Variants in ANKS1B observed in about 807,000 individuals in gnomAD.
The protein encoded by ANKS1B is ankyrin repeat and sterile alpha motif domain-containing protein 1B.
ANKS1B carries 36 observed loss-of-function variants against 148.3 expected under a neutral mutation model. The ratio of observed to expected loss-of-function variants is 0.24; its 90% CI spans 0.19 to 0.32. The LOEUF (loss-of-function observed/expected upper bound fraction) is 0.32, where lower values mean the gene tolerates loss of function less well. ANKS1B is among the 10% of genes least tolerant of loss of function. ANKS1B has a pLI of 1.00. For synonymous variants in ANKS1B, 542 were observed against 560.8 expected, an observed-to-expected ratio of 0.97 and a Z score of 0.47; for missense variants, 1,157 against 1,542.6, an observed-to-expected ratio of 0.75 and a Z score of 4.19.
At position 99,016,049 on chromosome 12, in the gene ANKS1B, T is replaced by C. The variant is rs190050040; in HGVS notation, c.2778+37108A>G. Among the ~76,000 whole-genome samples the C allele has an allele frequency of 2.1e-3, 316 of 152,338 alleles. 1 individual carries two copies. The highest frequency in any genetic ancestry group is 3.1e-3 in the Non-Finnish European group (213 of 68,032). ...GGCTTTACATGATTGGTAGTCTTCG[T>C]TCTTCACAAACCAGTTTATTTTAAT... is the stretch of plus-strand genomic sequence containing the variant. On this transcript the variant is annotated intron_variant, in intron 17 of 26. Transcript: ENST00000683438.
chr12:99,055,457 C>T (rs2153538781), intron 16 of ANKS1B, among the ~76,000 whole-genome samples: 1 of 152,344 alleles, frequency 6.6e-6, no homozygotes, highest in Middle Eastern at 3.4e-3. Flanking sequence ...TACCAGTGAA[C>T]TGTGCAATGG....
intron 12 of ANKS1B, among the ~76,000 whole-genome samples, chr12:99,247,083 G>T (rs575774834): frequency 6.6e-6 from 1 of 152,242 alleles, no homozygotes; most frequent in East Asian, 1.9e-4. Context: ...CATTCTTTCT[G>T]ATATACCTTA....
At chr12:99,722,439 C>G (rs1340221907) in intron 8 of ANKS1B, among the ~76,000 whole-genome samples, 1 of 152,202 alleles carries the variant, frequency 6.6e-6, no homozygotes, top group Admixed American at 6.5e-5. Flanking sequence ...TAAATGTACT[C>G]TGCCTGTGCT....
intron 12 of ANKS1B, among the ~76,000 whole-genome samples, chr12:99,253,256 C>G (rs2074857976): frequency 6.6e-6 from 1 of 151,088 alleles, no homozygotes; most frequent in Admixed American, 6.6e-5. Context: ...GGGGTGGCAT[C>G]AGGCAGATGT....
chr12:99,576,793 T>C (rs1034836219), intron 9 of ANKS1B, among the ~76,000 whole-genome samples: 1 of 152,012 alleles, frequency 6.6e-6, no homozygotes, highest in Non-Finnish European at 1.5e-5. Flanking sequence ...AGTGGATACA[T>C]GTGTGTGCTT....
chr12:99,616,185 G>T (rs1398763874), intron 9 of ANKS1B, among the ~76,000 whole-genome samples: 1 of 152,150 alleles, frequency 6.6e-6, no homozygotes, highest in Admixed American at 6.5e-5. Context: ...TGGATAGGAA[G>T]AATCAATATC....
At chr12:99,552,256 C>T (rs1407397802) in intron 9 of ANKS1B, among the ~76,000 whole-genome samples, 1 of 152,152 alleles carries the variant, frequency 6.6e-6, no homozygotes, top group African/African-American at 2.4e-5. Context: ...ATTACGAGTT[C>T]CAAGAAAACA....
intron 1 of ANKS1B, among the ~76,000 whole-genome samples, chr12:99,878,194 A>T (rs2092252666): frequency 6.6e-6 from 1 of 152,230 alleles, no homozygotes; most frequent in Non-Finnish European, 1.5e-5. Flanking sequence ...TCATGGTCGC[A>T]AAATACTGTA....
intron 10 of ANKS1B, among the ~76,000 whole-genome samples, chr12:99,470,674 G>A (rs2096226852): frequency 6.6e-6 from 1 of 152,126 alleles, no homozygotes; most frequent in Non-Finnish European, 1.5e-5. Context: ...AGGCACACAT[G>A]CAATATAGCT....
intron 1 of ANKS1B, among the ~76,000 whole-genome samples, chr12:99,875,176 T>C (rs2153731921): frequency 6.6e-6 from 1 of 152,276 alleles, no homozygotes; most frequent in Non-Finnish European, 1.5e-5. Flanking sequence ...ACTTGGGCTG[T>C]TAGAAAACTG....
In ANKS1B at chr12:99,093,313, T is replaced by C. The variant is rs540940515; in HGVS notation, c.2527-8290A>G. ...TGTTAATCAAAGTGACCCAAGGTGT[T>C]TGTGGCTAAAGCACTAACTAACTTG... On this transcript the variant is annotated intron_variant, in intron 15 of 26. Coordinates refer to ENST00000683438, the MANE Select transcript of ANKS1B (RefSeq NM_001352186.2). The C allele has an allele frequency of 9.6e-4, 146 of 152,370 alleles. 1 individual carries two copies. The highest frequency in any genetic ancestry group is 3.2e-3 in the African/African-American group (132 of 41,578). The allele number at this position is 152,370 out of a possible 1,614,324, so 9.4% of individuals were successfully genotyped here.
chr12:99,649,560 C>T (rs1047578119), intron 9 of ANKS1B: 37 of 592,824 alleles, frequency 6.2e-5, no homozygotes, highest in African/African-American at 5.9e-4. Context: ...AGTCTGCAGA[C>T]TCAGGAGAGA....
At chr12:98,742,029 G>A (rs991469282), downstream of ANKS1B, among the ~76,000 whole-genome samples, 2 of 152,122 alleles carry the variant, frequency 1.3e-5, no homozygotes, top group African/African-American at 2.4e-5. Flanking sequence ...GCTGACTTTG[G>A]TTGTAAAATC....
intron 12 of ANKS1B, among the ~76,000 whole-genome samples, chr12:99,391,069 C>T (rs529072343): frequency 2.6e-5 from 4 of 152,314 alleles, no homozygotes; most frequent in Non-Finnish European, 5.9e-5. Flanking sequence ...CTGTGTGTCT[C>T]TCCGGCCCCA....
chr12:99,616,965 T>A (rs1033108691), intron 9 of ANKS1B, among the ~76,000 whole-genome samples: 1 of 151,502 alleles, frequency 6.6e-6, no homozygotes, highest in African/African-American at 2.4e-5. Flanking sequence ...AACAACCCCA[T>A]CAAAAAGTGG....
At chr12:99,346,518 T>C (rs1037298314) in intron 12 of ANKS1B, among the ~76,000 whole-genome samples, 6 of 151,792 alleles carry the variant, frequency 4.0e-5, no homozygotes, top group Non-Finnish European at 8.8e-5. Context: ...GTCATAAATG[T>C]GCACAAGCCA....
At chr12:99,901,617 C>T (rs868719206) in intron 1 of ANKS1B, among the ~76,000 whole-genome samples, 12 of 152,182 alleles carry the variant, frequency 7.9e-5, no homozygotes, top group Non-Finnish European at 1.5e-4. Context: ...GATAACACCC[C>T]TCCCCCATTC....
intron 19 of ANKS1B, among the ~76,000 whole-genome samples, chr12:98,813,511 CCA>C (rs931613963): frequency 2.6e-5 from 4 of 151,436 alleles, no homozygotes; most frequent in African/African-American, 9.7e-5. Context: ...GCCACTGTGC[CCA>C]GTCTTAAATT....
chr12:98,968,926 T>C (rs61932199), intron 17 of ANKS1B, among the ~76,000 whole-genome samples: 21,840 of 152,224 alleles, frequency 0.14, 1,741 homozygotes, highest in Middle Eastern at 0.18. Context: ...TAGAGATATG[T>C]TAATAAAATT....
Sources: allele counts gnomAD v4.1 joint callset (sites outside exome capture counted in the v4.1 genomes callset), GRCh38; gene constraint gnomAD v4.1.1; transcripts MANE v1.5; gene names NCBI Gene and HGNC (gene_info 2026-07-23, HGNC 2026-07-21).